The following PLEKHM3 variants were observed in gnomAD, a reference collection of about 807,000 sequenced individuals.
PLEKHM3 encodes pleckstrin homology domain containing M3.
PLEKHM3 carries 45 observed loss-of-function variants against 81.8 expected under a neutral mutation model. The ratio of observed to expected loss-of-function variants is 0.55; its 90% CI spans 0.43 to 0.71. The LOEUF (loss-of-function observed/expected upper bound fraction) is 0.71, where lower values mean the gene tolerates loss of function less well. PLEKHM3 is among the 30% of genes least tolerant of loss of function. PLEKHM3 has a pLI of 0.00. For synonymous variants in PLEKHM3, 352 were observed against 356.4 expected (o/e 0.99, Z 0.14); for missense variants, 788 against 924.3 (o/e 0.85, Z 1.91).
intron 7 of PLEKHM3, among the ~76,000 whole-genome samples, chr2:207,855,343 T>C (rs1197509212): frequency 6.6e-6 from 1 of 152,158 alleles, no homozygotes; most frequent in African/African-American, 2.4e-5. Context: ...CAATAAAATA[T>C]AGTACTGGGC....
At chr2:207,830,607 C>CAAAA (rs10685657) in intron 7 of PLEKHM3, among the ~76,000 whole-genome samples, 5 of 127,532 alleles carry the variant, frequency 3.9e-5, no homozygotes, top group South Asian at 2.7e-4. Flanking sequence ...AACTCTGTCT[C>CAAAA]AAAAAAAAAA....
intron 7 of PLEKHM3, among the ~76,000 whole-genome samples, chr2:207,860,267 G>A (rs1304158455): frequency 2.0e-5 from 3 of 150,554 alleles, no homozygotes; most frequent in African/African-American, 7.3e-5. Context: ...CCAAATTCCC[G>A]CATGTTTACA....
intron 6 of PLEKHM3, among the ~76,000 whole-genome samples, chr2:207,888,196 T>C (rs1453488356): frequency 6.6e-6 from 1 of 152,156 alleles, no homozygotes; most frequent in African/African-American, 2.4e-5. Context: ...CCACAGACCT[T>C]TTCATTGCTA....
intron 3 of PLEKHM3, among the ~76,000 whole-genome samples, chr2:207,960,321 T>C (rs1208590477): frequency 1.3e-5 from 2 of 152,156 alleles, no homozygotes; most frequent in African/African-American, 4.8e-5. Flanking sequence ...TTCTGTCTGC[T>C]GTGGTAAGAG....
At chr2:208,007,956 G>A (rs954820064) in intron 1 of PLEKHM3, among the ~76,000 whole-genome samples, 2 of 152,152 alleles carry the variant, frequency 1.3e-5, no homozygotes, top group Non-Finnish European at 1.5e-5. Context: ...GGGAGGCTGA[G>A]GCAGGAGAAT....
At chr2:207,983,607 A>C (rs1302222787) in intron 2 of PLEKHM3, among the ~76,000 whole-genome samples, 1 of 151,950 alleles carries the variant, frequency 6.6e-6, no homozygotes. Flanking sequence ...AAAAAAACAG[A>C]ACTATTTCTC....
chr2:207,847,507 T>C (rs1378039289), intron 7 of PLEKHM3, among the ~76,000 whole-genome samples: 1 of 152,202 alleles, frequency 6.6e-6, no homozygotes, highest in African/African-American at 2.4e-5. Flanking sequence ...GCCTCTGCCA[T>C]GCACACGACA....
Position 208,014,600 on chromosome 2 carries a change from C to A in PLEKHM3, c.-319+10789G>T, listed in dbSNP as rs181372087. 5.2e-4 allele frequency among the ~76,000 whole-genome samples: 79 copies of A among 152,332 alleles called. No individual in the cohort carries two copies. In the Middle Eastern group the frequency reaches 0.014, roughly 26 times the overall value. ...CAGAGGTTGCAGTGGGCTAAGATTGCGCCACTGCACTCTGGCCTGGGCCAC... is the reference window on the plus strand; with the variant it reads ...CAGAGGTTGCAGTGGGCTAAGATTGAGCCACTGCACTCTGGCCTGGGCCAC... On this transcript the variant is annotated intron_variant, in intron 1 of 7. Transcript: ENST00000427836.
chr2:207,926,794 A>T (rs774737520), intron 5 of PLEKHM3, among the ~76,000 whole-genome samples: 6 of 152,154 alleles, frequency 3.9e-5, no homozygotes, highest in Non-Finnish European at 8.8e-5. Context: ...AACAATAACA[A>T]AAACAGTGAG....
chr2:207,942,659 G>C (rs1175567468), intron 4 of PLEKHM3, among the ~76,000 whole-genome samples: 2 of 152,170 alleles, frequency 1.3e-5, no homozygotes, highest in Non-Finnish European at 2.9e-5. Context: ...CCAGCACTTT[G>C]GGAGGCCGAG....
At position 208,001,549 on chromosome 2, in the gene PLEKHM3, C is replaced by T. The variant is rs1053627142; in HGVS notation, c.91G>A (p.Val31Met). The T allele has an allele frequency of 1.2e-6, 2 of 1,614,228 alleles. No individual in the cohort carries two copies. Among genetic ancestry groups the T allele is most frequent in the Non-Finnish European group, 8.5e-7 (1 of 1,180,048 alleles). ...STLDSNLEKA[V>M]QQAEVYGIQE... ...ATCCCATAAACCTCTGCCTGCTGCACAGCCTTTTCTAGATTACTATCCAAA... is the reference window on the plus strand; with the variant it reads ...ATCCCATAAACCTCTGCCTGCTGCATAGCCTTTTCTAGATTACTATCCAAA... The change falls in exon 2 of 8, where the codon GTG becomes ATG. Residue 31 changes from valine to methionine, a missense_variant. Transcript: ENST00000427836.
intron 1 of PLEKHM3, among the ~76,000 whole-genome samples, chr2:208,021,458 A>G (rs1057328619): frequency 1.3e-5 from 2 of 152,084 alleles, no homozygotes; most frequent in Non-Finnish European, 2.9e-5. Context: ...AATCTTTTCA[A>G]TTATAATTTG....
intron 5 of PLEKHM3, among the ~76,000 whole-genome samples, chr2:207,924,150 C>T (rs1689304602): frequency 6.6e-6 from 1 of 151,132 alleles, no homozygotes; most frequent in Non-Finnish European, 1.5e-5. Flanking sequence ...GGTGATCTGC[C>T]CACCTCGGCC....
chr2:207,891,208 G>A (rs186159178), intron 6 of PLEKHM3, among the ~76,000 whole-genome samples: 14 of 152,260 alleles, frequency 9.2e-5, no homozygotes, highest in East Asian at 3.9e-4. Flanking sequence ...AATAAAAAAC[G>A]GAGACAAAGA....
At chr2:207,875,752 C>T (rs761818640) in intron 6 of PLEKHM3, among the ~76,000 whole-genome samples, 1 of 151,978 alleles carries the variant, frequency 6.6e-6, no homozygotes, top group Non-Finnish European at 1.5e-5. Flanking sequence ...GTGGGAGTAT[C>T]CTTTGACTCT....
chr2:208,020,597 C>T (rs997234436), intron 1 of PLEKHM3, among the ~76,000 whole-genome samples: 1 of 152,224 alleles, frequency 6.6e-6, no homozygotes, highest in Non-Finnish European at 1.5e-5. Context: ...CGCTCTCACT[C>T]AGCACTGAGT....
chr2:207,940,113 C>G (rs543966786), intron 4 of PLEKHM3, among the ~76,000 whole-genome samples: 1 of 152,306 alleles, frequency 6.6e-6, no homozygotes, highest in African/African-American at 2.4e-5. Context: ...ATATACATTC[C>G]TGCTTGTCTA....
Position 208,024,518 on chromosome 2 carries a change from A to T in PLEKHM3, c.-319+871T>A, listed in dbSNP as rs114890098. On this transcript the variant is annotated intron_variant, in intron 1 of 7. Transcript: ENST00000427836. ...ACTGATATTTTTAGAGACTAGATAT[A>T]TAGCCCAGCTTTTGTTAAGGCATTT... is the stretch of plus-strand genomic sequence containing the variant. 7.2e-3 allele frequency among the ~76,000 whole-genome samples: 1,096 copies of T among 152,356 alleles called. 14 individuals carry two copies. The highest frequency in any genetic ancestry group is 0.025 in the African/African-American group (1,040 of 41,584).
chr2:207,941,460 C>T (rs1435815493), intron 4 of PLEKHM3, among the ~76,000 whole-genome samples: 1 of 150,896 alleles, frequency 6.6e-6, no homozygotes, highest in Non-Finnish European at 1.5e-5. Flanking sequence ...TCAGGATATA[C>T]AAAAATCAAA....
Sources: allele counts gnomAD v4.1 joint callset (sites outside exome capture counted in the v4.1 genomes callset), GRCh38; gene constraint gnomAD v4.1.1; transcripts MANE v1.5; gene names NCBI Gene and HGNC (gene_info 2026-07-23, HGNC 2026-07-21).